Variants in MTMR8 observed in about 807,000 individuals in gnomAD.
MTMR8 encodes phosphatidylinositol-3,5-bisphosphate 3-phosphatase MTMR8.
MTMR8 carries 65 observed loss-of-function variants against 39.3 expected under a neutral mutation model. That is an observed-to-expected ratio of 1.65 (90% CI 1.35 to 2.03). The LOEUF is 2.03. Ranked by LOEUF, MTMR8 falls within the 30% of genes most tolerant of loss-of-function variation. The probability of loss-of-function intolerance (pLI) is 0.00; values close to 1 mark genes in which losing one functional copy is unlikely to be tolerated. For missense variants in MTMR8, 777 were observed against 538.9 expected (o/e 1.44, Z -4.37); for synonymous variants, 245 against 185.2 (o/e 1.32, Z -2.62).
chrX:64,378,638 T>A (rs1487610187), intron 1 of MTMR8, among the ~76,000 whole-genome samples: 2 of 112,274 alleles, frequency 1.8e-5, no homozygotes, highest in African/African-American at 6.5e-5. Context: ...TTGAAGGATA[T>A]AGCAAAAGCA....
At position 64,268,757 on chromosome X, in the gene MTMR8, TCAGAGATGCCCACATCCC is replaced by T; in HGVS notation, c.1877_1894del (p.Gly626_Ser631del). The T allele has an allele frequency of 8.3e-7, 1 of 1,211,746 alleles. No homozygotes were observed. Among genetic ancestry groups the T allele is most frequent in the Non-Finnish European group, 1.1e-6 (1 of 895,530 alleles). ...CATGTCTCCAGAGATGCCCATGGCC[TCAGAGATGCCCACATCCC>T]CAGAGATATTTATGGCCCTAAGGCT... On this transcript the variant is annotated inframe_deletion, in exon 14 of 14. Transcript: ENST00000374852.
At chrX:64,359,102 C>T (rs952382233) in intron 2 of MTMR8, among the ~76,000 whole-genome samples, 4 of 111,091 alleles carry the variant, frequency 3.6e-5, no homozygotes, top group Admixed American at 1.9e-4. Context: ...CTTTAAATTA[C>T]TTCAAGATGC....
chrX:64,296,059 A>T (rs1241561945), intron 12 of MTMR8, among the ~76,000 whole-genome samples: 1 of 112,232 alleles, frequency 8.9e-6, no homozygotes, highest in African/African-American at 3.2e-5. Flanking sequence ...AGCAACCCAG[A>T]TGTCCATCAA....
intron 12 of MTMR8, among the ~76,000 whole-genome samples, chrX:64,281,938 A>T (rs1932024878): frequency 9.0e-6 from 1 of 111,218 alleles, no homozygotes; most frequent in South Asian, 3.7e-4. Context: ...AAAAAAAAAA[A>T]AGATATTTAT....
At chrX:64,373,994 A>G (rs752884413) in intron 1 of MTMR8, among the ~76,000 whole-genome samples, 3 of 112,314 alleles carry the variant, frequency 2.7e-5, no homozygotes, top group Non-Finnish European at 3.8e-5. Flanking sequence ...GACAACAGCA[A>G]AAATACAAAC....
chrX:64,311,569 T>C (rs1370938960), intron 12 of MTMR8, among the ~76,000 whole-genome samples: 1 of 111,552 alleles, frequency 9.0e-6, no homozygotes, highest in African/African-American at 3.3e-5. Flanking sequence ...AGTCCTTGCC[T>C]ATGCCTATGT....
rs996303625 is a variant in MTMR8 at position 64,319,620 on chromosome X, A to G, written c.1481+9152T>C. Among the ~76,000 whole-genome samples the G allele has an allele frequency of 4.1e-4, 46 of 111,756 alleles. 2 individuals carry two copies. Among genetic ancestry groups the G allele is most frequent in the Non-Finnish European group, 4.3e-4 (23 of 53,176 alleles). Reference sequence around the variant, plus strand: ...GGGATCCAGTTTCAGCTTTCTACATATGGCTAGCCAGTTTTCCCAGCACCA... The same window carrying G: ...GGGATCCAGTTTCAGCTTTCTACATGTGGCTAGCCAGTTTTCCCAGCACCA... On this transcript the variant is annotated intron_variant, in intron 12 of 13. Coordinates refer to ENST00000374852, the MANE Select transcript of MTMR8 (RefSeq NM_017677.4).
intron 10 of MTMR8, among the ~76,000 whole-genome samples, chrX:64,333,890 G>A (rs887607728): frequency 2.7e-5 from 3 of 111,424 alleles, no homozygotes; most frequent in Admixed American, 9.6e-5. Flanking sequence ...CCTCTCTTAT[G>A]TTTCTTCTTT....
chrX:64,366,168 C>A lies in MTMR8; in HGVS notation c.25-6641G>T, dbSNP rs574303206. Among the ~76,000 whole-genome samples, 5 of 111,558 alleles carry A rather than the reference C, an allele frequency of 4.5e-5. 1 individual carries two copies. Among genetic ancestry groups the A allele is most frequent in the African/African-American group, 1.3e-4 (4 of 30,715 alleles). On this transcript the variant is annotated intron_variant, in intron 1 of 13. Coordinates refer to ENST00000374852, the MANE Select transcript of MTMR8 (RefSeq NM_017677.4). Reference sequence around the variant, plus strand: ...ACACAATAATGATGGGAGACTTTAACACCCTACTGTCACTATCAGACAGAT... The same window carrying A: ...ACACAATAATGATGGGAGACTTTAAAACCCTACTGTCACTATCAGACAGAT...
At chrX:64,345,304 A>G in intron 6 of MTMR8, 127 bp from the exon 7 acceptor site, 3 of 661,915 alleles carry the variant, frequency 4.5e-6, no homozygotes, top group Non-Finnish European at 6.6e-6. Context: ...AAATCAGATG[A>G]GATACATTCT....
intron 1 of MTMR8, among the ~76,000 whole-genome samples, chrX:64,365,378 C>T (rs190950657): frequency 6.3e-5 from 7 of 110,974 alleles, no homozygotes; most frequent in East Asian, 2.8e-4. Flanking sequence ...ATGTTACACA[C>T]AAAGGGAAGC....
chrX:64,306,008 C>T (rs1338337283), intron 12 of MTMR8: 4 of 188,341 alleles, frequency 2.1e-5, no homozygotes, highest in Non-Finnish European at 4.0e-5. Flanking sequence ...TCCAGCTACT[C>T]GGGAGGCTAA....
chrX:64,384,031 G>T (rs1924497324), intron 1 of MTMR8, among the ~76,000 whole-genome samples: 1 of 111,864 alleles, frequency 8.9e-6, no homozygotes, highest in African/African-American at 3.3e-5. Flanking sequence ...AGATACAATG[G>T]GGTTATAAGC....
intron 3 of MTMR8, 77 bp downstream of exon 3, chrX:64,356,099 C>T: frequency 2.9e-6 from 3 of 1,031,498 alleles, no homozygotes; most frequent in Non-Finnish European, 4.0e-6. Flanking sequence ...CCTCTGACTC[C>T]ATAGCCCTGA....
At chrX:64,278,480 T>C (rs1931931533) in intron 12 of MTMR8, among the ~76,000 whole-genome samples, 1 of 74,291 alleles carries the variant, frequency 1.3e-5, no homozygotes, top group Non-Finnish European at 2.5e-5. Flanking sequence ...TTTTTTTTTT[T>C]TTTTTTTTTT....
chrX:64,273,244 G>A (rs774499026), intron 12 of MTMR8, among the ~76,000 whole-genome samples: 4 of 111,081 alleles, frequency 3.6e-5, no homozygotes, highest in South Asian at 7.5e-4. Flanking sequence ...TAATTATAAA[G>A]TATGCTAATG....
chrX:64,385,693 G>A (rs916731181), intron 1 of MTMR8, among the ~76,000 whole-genome samples: 2 of 110,937 alleles, frequency 1.8e-5, no homozygotes, highest in Non-Finnish European at 3.8e-5. Context: ...GCGGTGAGGT[G>A]CCACATACTT....
intron 12 of MTMR8, among the ~76,000 whole-genome samples, chrX:64,298,567 T>C (rs1281997575): frequency 6.9e-5 from 6 of 87,298 alleles, no homozygotes; most frequent in Non-Finnish European, 1.2e-4. Context: ...GAATACCCTT[T>C]ATTTCCTTCT....
At chrX:64,303,874 C>CA (rs755982835) in intron 12 of MTMR8, among the ~76,000 whole-genome samples, 1 of 112,241 alleles carries the variant, frequency 8.9e-6, no homozygotes, top group African/African-American at 3.2e-5. Context: ...ATGAACTATG[C>CA]TGTAAATTTA....
Sources: gnomAD v4.1 joint callset for allele counts (sites outside exome capture counted in the v4.1 genomes callset) on GRCh38, gnomAD v4.1.1 for gene constraint, MANE v1.5 for transcripts, NCBI Gene and HGNC (gene_info 2026-07-23, HGNC 2026-07-21) for gene names.